Variants in CDC6 observed in about 807,000 individuals in gnomAD.
CDC6 encodes cell division cycle 6, also known as DNA replication factor CDC6.
In CDC6, 46 loss-of-function variants were observed where a neutral mutation model predicts 60.2. That is an observed-to-expected ratio of 0.76 (90% CI 0.60 to 0.98). The LOEUF is 0.98. Ranked by LOEUF, CDC6 falls within the 50% of genes least tolerant of loss-of-function variation. The probability of loss-of-function intolerance (pLI) is 0.00; values close to 1 mark genes in which losing one functional copy is unlikely to be tolerated. For missense variants in CDC6, 596 were observed against 652.9 expected (o/e 0.91, Z 0.95); for synonymous variants, 210 against 233.2 (o/e 0.90, Z 0.90).
At chr17:40,295,943 C>T (rs1034490749) in intron 8 of CDC6, among the ~76,000 whole-genome samples, 7 of 151,934 alleles carry the variant, frequency 4.6e-5, no homozygotes, top group Non-Finnish European at 7.4e-5. Context: ...GCCTCTGTGC[C>T]GACTGATGAA....
intron 8 of CDC6, among the ~76,000 whole-genome samples, chr17:40,296,491 C>A (rs938395107): frequency 6.6e-5 from 10 of 151,940 alleles, no homozygotes; most frequent in Non-Finnish European, 1.3e-4. Context: ...GAGAAATAAC[C>A]CAGTTTTGTT....
intron 4 of CDC6, among the ~76,000 whole-genome samples, chr17:40,291,890 C>T (rs898677666): frequency 4.6e-4 from 70 of 152,134 alleles, no homozygotes; most frequent in African/African-American, 1.7e-3. Context: ...GGACTACAGG[C>T]GCCCGCCACC....
At chr17:40,294,193 C>T in intron 6 of CDC6, 137 bp downstream of exon 6, 2 of 921,302 alleles carry the variant, frequency 2.2e-6, no homozygotes, top group Non-Finnish European at 3.5e-6. Flanking sequence ...TGACTATGTA[C>T]ATCTTACCTA....
At chr17:40,288,478 G>C (rs1225713465) in intron 1 of CDC6, among the ~76,000 whole-genome samples, 13 of 152,008 alleles carry the variant, frequency 8.6e-5, no homozygotes, top group Admixed American at 8.5e-4. Context: ...TAGTGCAGTG[G>C]TGCGATCTCG....
intron 9 of CDC6, among the ~76,000 whole-genome samples, chr17:40,298,914 A>G (rs1291803953): frequency 2.0e-5 from 3 of 152,212 alleles, no homozygotes; most frequent in South Asian, 4.1e-4. Context: ...GTAAAAATAG[A>G]CTTCTAAATT....
rs2032947659 is a variant in CDC6, at chr17:40,302,016, C to T, written c.*15C>T. 1 of 1,405,060 alleles carries T rather than the reference C, an allele frequency of 7.1e-7. No homozygotes were observed. Among genetic ancestry groups the T allele is most frequent in the East Asian group, 2.3e-5 (1 of 43,904 alleles). The allele number at this position is 1,405,060 out of a possible 1,614,324, so 87.0% of individuals were successfully genotyped here. On this transcript the variant is annotated 3_prime_UTR_variant, in exon 12 of 12. Transcript: ENST00000209728. ...GATTGCCTTAAATTCTTCTCTTACA[C>T]CCCACCCGAAAGTATTCAGCTGGCA...
At chr17:40,289,644 T>G (rs749160160) in intron 2 of CDC6, 46 bp downstream of exon 2, 2 of 1,503,170 alleles carry the variant, frequency 1.3e-6, no homozygotes, top group Non-Finnish European at 9.3e-7. Context: ...CTCGTGACCT[T>G]TCTTTTCTTG....
At position 40,289,446 on chromosome 17, in the gene CDC6, A is replaced by G; in HGVS notation, c.26A>G (p.Gln9Arg). 8 of 1,614,018 alleles carry G rather than the reference A, an allele frequency of 5.0e-6. No individual in the cohort carries two copies. Among genetic ancestry groups the G allele is most frequent in the Non-Finnish European group, 6.8e-6 (8 of 1,179,966 alleles). MPQTRSQAQATISFPKRKL... is the reference protein window; with the variant it reads MPQTRSQARATISFPKRKL... ...ATGCCTCAAACCCGATCCCAGGCAC[A>G]GGCTACAATCAGTTTTCCAAAAAGG... Residue 9 changes from glutamine (Q) to arginine (R), a missense_variant, in exon 2 of 12, where the codon CAG becomes CGG. By Grantham distance (43) the Gln-to-Arg change is conservative (BLOSUM62 1). Transcript: ENST00000209728.
At chr17:40,300,142 T>C (rs2032916118) in intron 9 of CDC6, among the ~76,000 whole-genome samples, 1 of 152,134 alleles carries the variant, frequency 6.6e-6, no homozygotes, top group East Asian at 1.9e-4. Flanking sequence ...TTTTGTATTT[T>C]TAGTAGAGAT....
chr17:40,297,803 C>T (rs1409759625), intron 9 of CDC6, among the ~76,000 whole-genome samples: 1 of 152,148 alleles, frequency 6.6e-6, no homozygotes, highest in African/African-American at 2.4e-5. Context: ...ATAAGTTCAA[C>T]TTGGGATATC....
rs1234006285 is a variant in CDC6 at position 40,303,253 on chromosome 17, G to A, written c.*1252G>A. On this transcript the variant is annotated 3_prime_UTR_variant, in exon 12 of 12. Transcript: ENST00000209728. ...GGCTGAGGTAGTTTTGAGGGAAAGG[G>A]GGAAGTTCTAGTTTGATTTGTTTGG... The A allele has an allele frequency of 2.6e-5, 4 of 152,192 alleles. No homozygotes were observed. The highest frequency in any genetic ancestry group is 2.0e-4 in the Admixed American group (3 of 15,276). 9.4% of individuals were successfully genotyped at this position (152,192 alleles called of 1,614,324 possible). A position where few individuals can be genotyped will look rare whatever the true frequency, so the allele number is the denominator to read the frequency against.
At chr17:40,289,288 A>T in intron 1 of CDC6, 120 bp from the exon 2 acceptor site, 1 of 847,440 alleles carries the variant, frequency 1.2e-6, no homozygotes, top group Non-Finnish European at 1.9e-6. Flanking sequence ...ATGCTAAAAT[A>T]AGTGTGATAA....
chr17:40,300,878 A>G lies in CDC6; in HGVS notation c.1300A>G (p.Ile434Val). The change falls in exon 10 of 12, where the codon ATA (isoleucine) becomes GTA (valine). Residue 434 changes from isoleucine to valine, a missense_variant. By Grantham distance (29) the Ile-to-Val change is conservative. Transcript: ENST00000209728. ...TCCCAAGAGGGTTGGTCTTATTCAC[A>G]TATCCCAAGTCATCTCAGAAGTTGA... ...LIPKRVGLIH[I>V]SQVISEVDGN... 1.2e-6 allele frequency: 2 copies of G among 1,614,170 alleles called. No individual in the cohort carries two copies. The highest frequency in any genetic ancestry group is 1.3e-5 in the African/African-American group (1 of 75,046).
At position 40,291,436 on chromosome 17, in the gene CDC6, T is replaced by C. The variant is rs773656989; in HGVS notation, c.461-33T>C. The stretch of plus-strand genomic sequence containing the variant: ...ACTGGGTCTTCTCATTCACCTTCTG[T>C]TGTGTCTAATTGACCTTTTATGTCT... On this transcript the variant is annotated intron_variant, in intron 3 of 11. Transcript: ENST00000209728. 4 of 1,613,196 alleles carry C rather than the reference T, an allele frequency of 2.5e-6. No individual in the cohort carries two copies. In the East Asian group the frequency reaches 8.9e-5, roughly 36 times the overall value.
chr17:40,297,454 A>C (rs2032874491), intron 9 of CDC6, among the ~76,000 whole-genome samples: 1 of 152,094 alleles, frequency 6.6e-6, no homozygotes, highest in African/African-American at 2.4e-5. Context: ...CAGGGAGGGG[A>C]ACATCACACA....
intron 4 of CDC6, among the ~76,000 whole-genome samples, chr17:40,292,037 G>A (rs1338616557): frequency 3.3e-5 from 5 of 152,002 alleles, no homozygotes; most frequent in African/African-American, 1.2e-4. Context: ...GTGAGCCACC[G>A]CACCTGGCCT....
chr17:40,288,148 A>C (rs1348159487), intron 1 of CDC6, 58 bp downstream of exon 1: 2 of 152,902 alleles, frequency 1.3e-5, no homozygotes, highest in Admixed American at 6.5e-5. Context: ...GATCAGGGAA[A>C]GGGCAGGTGC....
At chr17:40,296,996 G>A (rs371519286) in intron 9 of CDC6, among the ~76,000 whole-genome samples, 2 of 152,176 alleles carry the variant, frequency 1.3e-5, no homozygotes, top group Non-Finnish European at 2.9e-5. Context: ...GTAAATGGCT[G>A]GGACAGAGTA....
chr17:40,294,170 TAAG>T (rs1232096262), intron 6 of CDC6, 114 bp downstream of exon 6: 5 of 1,004,086 alleles, frequency 5.0e-6, no homozygotes, highest in Non-Finnish European at 7.9e-6. Flanking sequence ...CGTGTCAAAA[TAAG>T]AAAGTTAAAT....
Sources: gnomAD v4.1 joint callset for allele counts (sites outside exome capture counted in the v4.1 genomes callset) on GRCh38, gnomAD v4.1.1 for gene constraint, MANE v1.5 for transcripts, NCBI Gene and HGNC (gene_info 2026-07-23, HGNC 2026-07-21) for gene names.